GLIPR1L1: variants seen among roughly 807,000 people sequenced by gnomAD.
GLIPR1L1 encodes the protein GLIPR1 like 1.
A neutral mutation model predicts 29.9 loss-of-function variants in GLIPR1L1; 26 were observed. The ratio of observed to expected loss-of-function variants is 0.87; its 90% CI spans 0.64 to 1.21. The LOEUF (loss-of-function observed/expected upper bound fraction) is 1.21. GLIPR1L1 is among the 50% of genes most tolerant of loss of function. The pLI is 0.00. For missense variants in GLIPR1L1, 305 were observed against 290.3 expected, an observed-to-expected ratio of 1.05 and a Z score of -0.37; for synonymous variants, 77 against 97.5, an observed-to-expected ratio of 0.79 and a Z score of 1.24.
At position 75,354,054 on chromosome 12, in the gene GLIPR1L1, C is replaced by T. The variant is rs187116351; in HGVS notation, c.521+6332C>T. Reference sequence around the variant, plus strand: ...CAATGTCATACTGAATGGGCAAAAGCTGGATGCATTCCCCTTGAAAACCAG... The same window carrying T: ...CAATGTCATACTGAATGGGCAAAAGTTGGATGCATTCCCCTTGAAAACCAG... On this transcript the variant is annotated intron_variant, in intron 3 of 5. Transcript: ENST00000378695. Among the ~76,000 whole-genome samples the T allele has an allele frequency of 6.6e-4, 100 of 150,682 alleles. 1 individual carries two copies. In the East Asian group the frequency reaches 0.019, roughly 29 times the overall value.
intron 3 of GLIPR1L1, chr12:75,359,799 T>C (rs1320474392): frequency 6.6e-6 from 1 of 152,152 alleles, no homozygotes; most frequent in Non-Finnish European, 1.5e-5. Flanking sequence ...CCTGGATCTA[T>C]ACAACTACAA....
At chr12:75,343,118 T>C (rs961794544) in intron 1 of GLIPR1L1, among the ~76,000 whole-genome samples, 2 of 152,014 alleles carry the variant, frequency 1.3e-5, no homozygotes, top group Admixed American at 1.3e-4. Flanking sequence ...TTTTGTCTTA[T>C]GTATTTACAA....
intron 3 of GLIPR1L1, among the ~76,000 whole-genome samples, chr12:75,362,583 T>A (rs1254707255): frequency 6.6e-6 from 1 of 152,192 alleles, no homozygotes; most frequent in African/African-American, 2.4e-5. Flanking sequence ...TACTCTAAGT[T>A]AAAGTAACAC....
chr12:75,344,279 G>A (rs1413730070), intron 2 of GLIPR1L1, among the ~76,000 whole-genome samples: 1 of 151,960 alleles, frequency 6.6e-6, no homozygotes, highest in African/African-American at 2.4e-5. Flanking sequence ...AAAGCCACTT[G>A]AAGTTCTTCC....
chr12:75,335,927 A>G (rs553143228), intron 1 of GLIPR1L1, among the ~76,000 whole-genome samples: 167 of 152,124 alleles, frequency 1.1e-3, no homozygotes, highest in African/African-American at 3.6e-3. Flanking sequence ...ATGTATGATA[A>G]AAAAGAGTAA....
intron 3 of GLIPR1L1, among the ~76,000 whole-genome samples, chr12:75,357,849 G>A (rs1340141035): frequency 6.6e-6 from 1 of 151,280 alleles, no homozygotes; most frequent in African/African-American, 2.4e-5. Flanking sequence ...TATTAAAACA[G>A]TAATTATGAG....
At chr12:75,361,737 G>C (rs1240218658) in intron 3 of GLIPR1L1, among the ~76,000 whole-genome samples, 1 of 152,110 alleles carries the variant, frequency 6.6e-6, no homozygotes, top group African/African-American at 2.4e-5. Context: ...GATCTCAGTA[G>C]AACTCACTCA....
intron 4 of GLIPR1L1, among the ~76,000 whole-genome samples, chr12:75,364,000 C>T (rs141285112): frequency 3.4e-4 from 51 of 152,210 alleles, no homozygotes; most frequent in African/African-American, 1.0e-3. Context: ...TAAAGGCTTA[C>T]GATCAATAGA....
chr12:75,350,772 A>C (rs1485239458), intron 3 of GLIPR1L1, among the ~76,000 whole-genome samples: 1 of 152,228 alleles, frequency 6.6e-6, no homozygotes, highest in Non-Finnish European at 1.5e-5. Context: ...AAACTCAAAA[A>C]GCCAGAGTGT....
In GLIPR1L1 at chr12:75,363,098, A is replaced by T. The variant is rs370263038; in HGVS notation, c.522-4A>T. ...TGGCTAATCAATGTTTCTCTTTTTT[A>T]CAGAGGAAATTTTGCAAATATGCCT... On this transcript the variant is annotated splice_polypyrimidine_tract_variant and splice_region_variant and intron_variant, in intron 3 of 5. Transcript: ENST00000378695. The T allele has an allele frequency of 6.7e-5, 101 of 1,514,888 alleles. No homozygotes were observed. The African/African-American group carries it at 1.3e-3, about 20-fold the overall frequency. 93.8% of individuals were successfully genotyped at this position (1,514,888 alleles called of 1,614,324 possible). A position where few individuals can be genotyped will look rare whatever the true frequency, so the allele number is the denominator to read the frequency against.
chr12:75,353,527 C>T (rs1410435105), intron 3 of GLIPR1L1, among the ~76,000 whole-genome samples: 1 of 152,158 alleles, frequency 6.6e-6, no homozygotes, highest in Non-Finnish European at 1.5e-5. Context: ...AAAAACAGCA[C>T]AGGACCAGAC....
At chr12:75,338,790 C>T (rs1256008235) in intron 1 of GLIPR1L1, among the ~76,000 whole-genome samples, 1 of 151,912 alleles carries the variant, frequency 6.6e-6, no homozygotes, top group Non-Finnish European at 1.5e-5. Flanking sequence ...GTGTGTTGAT[C>T]CCCCCATGTG....
chr12:75,347,797 A>G (rs2139399306), intron 3 of GLIPR1L1, 75 bp downstream of exon 3: 3 of 827,208 alleles, frequency 3.6e-6, no homozygotes, highest in Middle Eastern at 2.5e-4. Flanking sequence ...AGGACCTTAT[A>G]CTAGACACAA....
At chr12:75,353,873 A>G (rs2042971064) in intron 3 of GLIPR1L1, among the ~76,000 whole-genome samples, 2 of 152,220 alleles carry the variant, frequency 1.3e-5, no homozygotes, top group African/African-American at 4.8e-5. Flanking sequence ...TTATATCATC[A>G]GAACTAAAGA....
intron 3 of GLIPR1L1, among the ~76,000 whole-genome samples, chr12:75,361,937 GA>G (rs1474264340): frequency 4.3e-4 from 65 of 152,192 alleles, no homozygotes; most frequent in African/African-American, 1.5e-3. Flanking sequence ...AACTTTAGAA[GA>G]AAAGATGAAC....
chr12:75,356,482 G>A (rs2043164727), intron 3 of GLIPR1L1, among the ~76,000 whole-genome samples: 1 of 152,082 alleles, frequency 6.6e-6, no homozygotes. Context: ...TAACTTGATC[G>A]TGATAAGTAA....
At chr12:75,354,158 G>GA (rs1419900751) in intron 3 of GLIPR1L1, among the ~76,000 whole-genome samples, 32 of 89,164 alleles carry the variant, frequency 3.6e-4, no homozygotes, top group East Asian at 1.7e-3. Context: ...TCAGGGAAGA[G>GA]AAAAAAAAGG....
intron 1 of GLIPR1L1, among the ~76,000 whole-genome samples, chr12:75,341,387 G>C (rs929829341): frequency 1.3e-5 from 2 of 152,174 alleles, no homozygotes; most frequent in Non-Finnish European, 2.9e-5. Flanking sequence ...TGAGTGAAGA[G>C]AAGCCAATCT....
intron 3 of GLIPR1L1, among the ~76,000 whole-genome samples, chr12:75,362,368 G>GT (rs932060499): frequency 6.6e-6 from 1 of 152,158 alleles, no homozygotes; most frequent in Non-Finnish European, 1.5e-5. Context: ...TGGGGACAAT[G>GT]TGAGGGCCAT....
Sources: allele counts gnomAD v4.1 joint callset (sites outside exome capture counted in the v4.1 genomes callset), GRCh38; gene constraint gnomAD v4.1.1; transcripts MANE v1.5; gene names NCBI Gene and HGNC (gene_info 2026-07-23, HGNC 2026-07-21).